ATRN: variants seen among roughly 807,000 people sequenced by gnomAD.
The protein encoded by ATRN is attractin.
Under a neutral mutation model 178.7 loss-of-function variants are expected in ATRN, and 54 were observed. That is an observed-to-expected ratio of 0.30 (90% CI 0.24 to 0.38). ATRN has a LOEUF of 0.38. ATRN is among the 10% of genes least tolerant of loss of function. The pLI, the probability that ATRN is intolerant of heterozygous loss-of-function variation, is 1.00. For missense variants in ATRN, 1,443 were observed against 1,815.1 expected, an observed-to-expected ratio of 0.79 and a Z score of 3.73; for synonymous variants, 636 against 663.0, an observed-to-expected ratio of 0.96 and a Z score of 0.63.
intron 1 of ATRN, among the ~76,000 whole-genome samples, chr20:3,507,251 C>T (rs1320314421): frequency 6.6e-6 from 1 of 150,952 alleles, no homozygotes; most frequent in African/African-American, 2.4e-5. Context: ...CTAAAAAATA[C>T]AAAAAAAATT....
At chr20:3,630,541 C>A (rs918618645) in intron 25 of ATRN, among the ~76,000 whole-genome samples, 3 of 152,166 alleles carry the variant, frequency 2.0e-5, no homozygotes, top group Non-Finnish European at 4.4e-5. Context: ...CTCCAGTAGA[C>A]ATCCTTAAAT....
intron 3 of ATRN, among the ~76,000 whole-genome samples, chr20:3,545,130 G>A (rs1257212343): frequency 6.6e-6 from 1 of 151,862 alleles, no homozygotes; most frequent in Non-Finnish European, 1.5e-5. Context: ...ATTTTGGGAG[G>A]CCGAGGTGGG....
Position 3,572,888 on chromosome 20 carries a change from T to C in ATRN, c.2029T>C (p.Ser677Pro). The C allele has an allele frequency of 6.2e-7, 1 of 1,614,002 alleles. No individual in the cohort carries two copies. The highest frequency in any genetic ancestry group is 1.7e-5 in the Admixed American group (1 of 59,976). ...VWNTGSSQCISWALATDEQEE... is the reference protein window; with the variant it reads ...VWNTGSSQCIPWALATDEQEE... The stretch of plus-strand genomic sequence containing the variant: ...GAACACAGGGTCGTCTCAGTGTATC[T>C]CGTGGGCGCTGGCAACTGATGAACA... Residue 677 changes from serine (S) to proline (P), a missense_variant, in exon 12 of 29, where the codon TCG (serine) becomes CCG (proline). Physicochemically the swap from Ser to Pro is moderately conservative, Grantham distance 74. Around this residue, in one of 4 missense-constraint regions of ATRN, gnomAD observed 862 missense variants for 972.1 expected, o/e 0.89. Coordinates refer to ENST00000262919, the MANE Select transcript of ATRN (RefSeq NM_139321.3).
At chr20:3,516,465 G>A (rs940321040) in intron 1 of ATRN, among the ~76,000 whole-genome samples, 1 of 152,094 alleles carries the variant, frequency 6.6e-6, no homozygotes, top group African/African-American at 2.4e-5. Flanking sequence ...ACTGTGGCAT[G>A]CCATAGATTT....
At position 3,471,200 on chromosome 20, in the gene ATRN, G is replaced by C. The variant is rs1238109620; in HGVS notation, c.93G>C (p.Trp31Cys). ...CGGGCAGGAGCGGCGGGCCGCACTG[G>C]GACTGGGACGTGACCAGGGCTGGGA... Reference protein sequence around the residue: ...ALAGRSGGPHWDWDVTRAGRP... With the variant: ...ALAGRSGGPHCDWDVTRAGRP... Residue 31 changes from tryptophan to cysteine, a missense_variant, in exon 1 of 29, where the codon TGG (tryptophan) becomes TGC (cysteine). Coordinates refer to ENST00000262919, the MANE Select transcript of ATRN (RefSeq NM_139321.3). The C allele has an allele frequency of 1.3e-6, 2 of 1,501,480 alleles. No individual in the cohort carries two copies. The highest frequency in any genetic ancestry group is 4.2e-5 in the Admixed American group (2 of 48,088). The allele number at this position is 1,501,480 out of a possible 1,614,324, so 93.0% of individuals were successfully genotyped here.
intron 9 of ATRN, 74 bp downstream of exon 9, chr20:3,562,533 T>C: frequency 6.7e-7 from 1 of 1,486,018 alleles, no homozygotes. Context: ...AATATTGTGC[T>C]ATCTTTTTGT....
At chr20:3,509,604 T>G (rs981180571) in intron 1 of ATRN, among the ~76,000 whole-genome samples, 4 of 151,846 alleles carry the variant, frequency 2.6e-5, no homozygotes, top group Admixed American at 1.3e-4. Context: ...TTCAAGTGAT[T>G]CGTCTGCCTC....
intron 19 of ATRN, 93 bp from the exon 20 acceptor site, chr20:3,594,386 A>G: frequency 1.1e-6 from 1 of 950,178 alleles, no homozygotes; most frequent in Non-Finnish European, 1.6e-6. Context: ...TACTGAACTC[A>G]ATTCAGATAA....
At position 3,645,242 on chromosome 20, in the gene ATRN, T is replaced by G. The variant is rs1230736371; in HGVS notation, c.4165+974T>G. Among the ~76,000 whole-genome samples the G allele has an allele frequency of 1.3e-5, 2 of 152,180 alleles. No individual in the cohort carries two copies. The highest frequency in any genetic ancestry group is 4.8e-5 in the African/African-American group (2 of 41,452). ...CTGGTCCAGGCCCTGAGCTCCACTG[T>G]CCCTTCAGTGCACCCTCAGACCCAG... On this transcript the variant is annotated intron_variant, in intron 28 of 28. Coordinates refer to ENST00000262919, the MANE Select transcript of ATRN (RefSeq NM_139321.3). This position sits in a 1 kb window ranked among gnomAD's most constrained non-coding sequence, Gnocchi z 4.7.
intron 12 of ATRN, among the ~76,000 whole-genome samples, chr20:3,574,264 C>T (rs778977419): frequency 1.3e-4 from 20 of 152,196 alleles, no homozygotes; most frequent in Non-Finnish European, 2.1e-4. Flanking sequence ...GTAATCCCAG[C>T]ACTTTGGGAG....
chr20:3,493,751 T>G (rs1227151225), intron 1 of ATRN, among the ~76,000 whole-genome samples: 1 of 152,214 alleles, frequency 6.6e-6, no homozygotes, highest in Admixed American at 6.5e-5. Flanking sequence ...AAGGTCCACC[T>G]GCAGTTCTTT....
At chr20:3,544,683 C>G (rs1428350083) in intron 3 of ATRN, among the ~76,000 whole-genome samples, 1 of 152,084 alleles carries the variant, frequency 6.6e-6, no homozygotes, top group Non-Finnish European at 1.5e-5. Flanking sequence ...AACTAGTAGT[C>G]CTTGCTGTTG....
Position 3,549,160 on chromosome 20 carries a change from T to A in ATRN, c.944-10T>A, listed in dbSNP as rs773153051. ...TCTTTTGTGAAGCTAATTCATTATG[T>A]TTTTATTAGGTCCTGGATGTTCAGT... On this transcript the variant is annotated splice_polypyrimidine_tract_variant and intron_variant, in intron 5 of 28. Coordinates refer to ENST00000262919, the MANE Select transcript of ATRN (RefSeq NM_139321.3). 4 of 1,573,736 alleles carry A rather than the reference T, an allele frequency of 2.5e-6. No homozygotes were observed. The highest frequency in any genetic ancestry group is 4.0e-5 in the Admixed American group (2 of 49,898).
chr20:3,641,310 G>T (rs906133293), intron 27 of ATRN, among the ~76,000 whole-genome samples: 2 of 152,132 alleles, frequency 1.3e-5, no homozygotes, highest in African/African-American at 4.8e-5. Context: ...GGGAAAAGAG[G>T]CCGGGTGTGG....
chr20:3,503,730 G>A (rs1394204691), intron 1 of ATRN, among the ~76,000 whole-genome samples: 1 of 152,092 alleles, frequency 6.6e-6, no homozygotes, highest in African/African-American at 2.4e-5. Flanking sequence ...AATAACAAAA[G>A]ACTTAATATT....
intron 1 of ATRN, among the ~76,000 whole-genome samples, chr20:3,476,268 A>G (rs987445631): frequency 9.2e-5 from 14 of 152,232 alleles, no homozygotes; most frequent in African/African-American, 3.4e-4. Flanking sequence ...GGATGTACTG[A>G]ATAACTTGTC....
Position 3,511,008 on chromosome 20 carries a change from T to C in ATRN, c.411-24245T>C, listed in dbSNP as rs1169182511. Among the ~76,000 whole-genome samples, 8 of 152,314 alleles carry C rather than the reference T, an allele frequency of 5.3e-5. No homozygotes were observed. In the East Asian group the frequency reaches 1.3e-3, roughly 26 times the overall value. On this transcript the variant is annotated intron_variant, in intron 1 of 28. Transcript: ENST00000262919. ...TATAGTTTCTGTATACTTCTAAATA[T>C]TCATGAATCAAAGAAGAAATCACCT... is the stretch of plus-strand genomic sequence containing the variant.
chr20:3,640,772 G>T (rs1215235988), intron 27 of ATRN, among the ~76,000 whole-genome samples: 1 of 152,194 alleles, frequency 6.6e-6, no homozygotes, highest in East Asian at 1.9e-4. Flanking sequence ...ATACATAGAA[G>T]AACTGAAAGC....
chr20:3,629,300 T>C (rs1247367585), intron 25 of ATRN: 4 of 985,236 alleles, frequency 4.1e-6, no homozygotes, highest in Middle Eastern at 1.0e-3. Context: ...CTGGGTGAAC[T>C]GGCGTCCGCT....
Sources: gnomAD v4.1 joint callset for allele counts (sites outside exome capture counted in the v4.1 genomes callset) on GRCh38, gnomAD v4.1.1 for gene constraint, gnomAD v4.1.1 regional missense constraint, Gnocchi (gnomAD v3.1) non-coding constraint, MANE v1.5 for transcripts, NCBI Gene and HGNC (gene_info 2026-07-23, HGNC 2026-07-21) for gene names.